SCGB2B2: variants seen among roughly 807,000 people sequenced by gnomAD.
The protein encoded by SCGB2B2 is secretoglobin-like protein.
In SCGB2B2, 11 loss-of-function variants were observed where a neutral mutation model predicts 7.6. The ratio of observed to expected loss-of-function variants is 1.45; its 90% CI spans 0.91 to 2.40. The LOEUF is 2.40. Among genes scored for constraint, SCGB2B2 ranks in the 30% most tolerant of loss-of-function variants. The probability of loss-of-function intolerance (pLI) is 0.00; values close to 1 mark genes in which losing one functional copy is unlikely to be tolerated. For synonymous variants in SCGB2B2, 50 were observed against 48.6 expected (o/e 1.03, Z -0.12); for missense variants, 104 against 115.4 (o/e 0.90, Z 0.45).
In SCGB2B2 at chr19:34,630,444, G is replaced by C. The variant is rs558808270; in HGVS notation, c.-2031-33850C>G. On this transcript the variant is annotated intron_variant, in intron 1 of 3. Transcript: ENST00000601241. ...AAAAAACAAACAACCCCATCAACAA[G>C]TGGGCGAAGGATATGAACAGACACT... is the stretch of plus-strand genomic sequence containing the variant. Among the ~76,000 whole-genome samples the C allele has an allele frequency of 2.6e-5, 4 of 152,018 alleles. No individual in the cohort carries two copies. The East Asian group carries it at 5.8e-4, about 22-fold the overall frequency.
At chr19:34,674,392 G>T (rs2067872319) in intron 1 of SCGB2B2, among the ~76,000 whole-genome samples, 1 of 152,114 alleles carries the variant, frequency 6.6e-6, no homozygotes, top group Admixed American at 6.5e-5. Flanking sequence ...AAAAAAGGAA[G>T]CAAAGCAAAC....
At chr19:34,588,626 G>A (rs2065232051), downstream of SCGB2B2, among the ~76,000 whole-genome samples, 1 of 152,228 alleles carries the variant, frequency 6.6e-6, no homozygotes, top group African/African-American at 2.4e-5. Context: ...CCACCCCACA[G>A]GGGTCGGATG....
At chr19:34,653,634 T>A (rs1285720404) in intron 1 of SCGB2B2, among the ~76,000 whole-genome samples, 1 of 151,284 alleles carries the variant, frequency 6.6e-6, no homozygotes, top group Non-Finnish European at 1.5e-5. Flanking sequence ...CCAAGTAGAC[T>A]TTATCCCTGA....
rs527584099 is a variant in SCGB2B2 at position 34,614,344 on chromosome 19, G to A, written c.-2031-17750C>T. Among the ~76,000 whole-genome samples, 6 of 151,992 alleles carry A rather than the reference G, an allele frequency of 3.9e-5. No homozygotes were observed. In the South Asian group the frequency reaches 6.2e-4, roughly 16 times the overall value. On this transcript the variant is annotated intron_variant, in intron 1 of 3. Coordinates refer to ENST00000601241, the MANE Select transcript of SCGB2B2 (RefSeq NM_001025591.4). The stretch of plus-strand genomic sequence containing the variant: ...TTTCTGTAATTGGGTAATTTTAAGT[G>A]ACCTATATTTAAGTTCAGAGATTCT...
At chr19:34,673,872 G>T (rs943683362) in intron 1 of SCGB2B2, among the ~76,000 whole-genome samples, 1 of 152,108 alleles carries the variant, frequency 6.6e-6, no homozygotes, top group Non-Finnish European at 1.5e-5. Flanking sequence ...TCTCAAAATG[G>T]AACTATACTT....
At chr19:34,627,158 C>CA (rs1289537287) in intron 1 of SCGB2B2, among the ~76,000 whole-genome samples, 1 of 152,138 alleles carries the variant, frequency 6.6e-6, no homozygotes, top group African/African-American at 2.4e-5. Flanking sequence ...AAAAACACGC[C>CA]AAATTGTAAA....
intron 1 of SCGB2B2, among the ~76,000 whole-genome samples, chr19:34,668,039 T>G (rs1197439356): frequency 6.6e-6 from 1 of 152,190 alleles, no homozygotes; most frequent in African/African-American, 2.4e-5. Flanking sequence ...CTGGCGGCCC[T>G]CGCAGCCCTC....
At chr19:34,658,856 T>C (rs1417335196) in intron 1 of SCGB2B2, among the ~76,000 whole-genome samples, 1 of 134,612 alleles carries the variant, frequency 7.4e-6, no homozygotes, top group Non-Finnish European at 1.6e-5. Flanking sequence ...TTTAGGCCAA[T>C]ATCCCTGATG....
At chr19:34,621,690 A>G (rs2066247079) in intron 1 of SCGB2B2, among the ~76,000 whole-genome samples, 2 of 152,352 alleles carry the variant, frequency 1.3e-5, no homozygotes, top group South Asian at 4.1e-4. Flanking sequence ...TCATTAATTA[A>G]AACTTTACAG....
At chr19:34,626,308 C>T (rs948562414) in intron 1 of SCGB2B2, among the ~76,000 whole-genome samples, 2 of 152,110 alleles carry the variant, frequency 1.3e-5, no homozygotes, top group Non-Finnish European at 2.9e-5. Flanking sequence ...TCAAACTACT[C>T]TGAACTAAAG....
intron 1 of SCGB2B2, among the ~76,000 whole-genome samples, chr19:34,603,636 G>A (rs1352174828): frequency 2.0e-5 from 3 of 152,246 alleles, no homozygotes; most frequent in African/African-American, 7.2e-5. Context: ...TAGGGAGAGA[G>A]CCTAGGCCTG....
At chr19:34,607,031 TCTCA>T (rs1475301538) in intron 1 of SCGB2B2, among the ~76,000 whole-genome samples, 1 of 152,180 alleles carries the variant, frequency 6.6e-6, no homozygotes, top group African/African-American at 2.4e-5. Context: ...ACCAACAACT[TCTCA>T]CTCATTCATC....
downstream of SCGB2B2, among the ~76,000 whole-genome samples, chr19:34,590,013 G>T (rs1346160061): frequency 6.6e-6 from 1 of 152,180 alleles, no homozygotes; most frequent in African/African-American, 2.4e-5. Flanking sequence ...CCTGCTCATT[G>T]TTTACTCATT....
chr19:34,658,790 C>CACAACAACAACA (rs1189296393), intron 1 of SCGB2B2, among the ~76,000 whole-genome samples: 1 of 115,376 alleles, frequency 8.7e-6, no homozygotes, highest in Non-Finnish European at 1.7e-5. Context: ...CTGGCAGAGA[C>CACAACAACAACA]ACAACAACAA....
chr19:34,608,660 C>CATATATATATATATATATATATATGT (rs2065844673), intron 1 of SCGB2B2: 1 of 87,244 alleles, frequency 1.1e-5, no homozygotes, highest in African/African-American at 5.7e-5. Flanking sequence ...TGTCTCATTG[C>CATATATATATATATATATATATATGT]ATATATATAT....
intron 1 of SCGB2B2, among the ~76,000 whole-genome samples, chr19:34,650,173 G>A (rs921287466): frequency 5.3e-5 from 8 of 151,328 alleles, no homozygotes; most frequent in African/African-American, 2.0e-4. Context: ...CCCTTGTGGG[G>A]TGGTTCAGCT....
At chr19:34,623,759 T>A (rs2066298580) in intron 1 of SCGB2B2, among the ~76,000 whole-genome samples, 1 of 152,180 alleles carries the variant, frequency 6.6e-6, no homozygotes, top group African/African-American at 2.4e-5. Context: ...AAAGCCCTGA[T>A]TTCCCAGAGA....
chr19:34,622,238 C>T (rs1373704685), intron 1 of SCGB2B2, among the ~76,000 whole-genome samples: 1 of 152,166 alleles, frequency 6.6e-6, no homozygotes, highest in African/African-American at 2.4e-5. Flanking sequence ...CAGGGCCATT[C>T]TCTTCCTTTT....
At chr19:34,645,143 G>A (rs1163630528) in intron 1 of SCGB2B2, among the ~76,000 whole-genome samples, 1 of 152,052 alleles carries the variant, frequency 6.6e-6, no homozygotes, top group African/African-American at 2.4e-5. Context: ...CTTCGTGAAG[G>A]GACAATAAAC....
Sources: allele counts gnomAD v4.1 joint callset (sites outside exome capture counted in the v4.1 genomes callset), GRCh38; gene constraint gnomAD v4.1.1; transcripts MANE v1.5; gene names NCBI Gene and HGNC (gene_info 2026-07-23, HGNC 2026-07-21).